SYNE1: variants seen among roughly 807,000 people sequenced by gnomAD.
The protein encoded by SYNE1 is spectrin repeat containing nuclear envelope protein 1.
In SYNE1, 616 loss-of-function variants were observed where a neutral mutation model predicts 1,111.0. That is an observed-to-expected ratio of 0.55 (90% confidence interval 0.52 to 0.59). SYNE1 has a LOEUF of 0.59. SYNE1 is among the 20% of genes least tolerant of loss of function. The pLI is 0.00. For missense variants in SYNE1, 10,006 were observed against 10,417.0 expected (o/e 0.96, Z 1.72); for synonymous variants, 3,855 against 3,825.8 (o/e 1.01, Z -0.28).
Position 152,353,616 on chromosome 6 carries a change from T to C in SYNE1, c.11055A>G (p.Arg3685=). 6.2e-7 allele frequency: 1 copy of C among 1,614,222 alleles called. No individual in the cohort carries two copies. The highest frequency in any genetic ancestry group is 8.5e-7 in the Non-Finnish European group (1 of 1,180,046). The change falls in exon 68 of 146, where the codon AGA becomes AGG. Residue 3685 remains arginine (R), a synonymous_variant. Transcript: ENST00000367255. The stretch of plus-strand genomic sequence containing the variant: ...GCACTTGGAGAAGCAGGGCCTGGTA[T>C]CTGGAAGTCAGCTGGGTGGCCTGGC... ...MGCQATQLTS[R]YQALLLQVLE...
intron 42 of SYNE1, among the ~76,000 whole-genome samples, chr6:152,411,012 G>C (rs2098025949): frequency 1.3e-5 from 2 of 152,260 alleles, no homozygotes; most frequent in African/African-American, 4.8e-5. Context: ...TGCACAACAT[G>C]ATTCAATTTA....
At chr6:152,127,868 C>T (rs1312156704) in intron 145 of SYNE1, 2 of 152,204 alleles carry the variant, frequency 1.3e-5, no homozygotes, top group Non-Finnish European at 2.9e-5. Context: ...ATCTGATTAA[C>T]TTGAATACAT....
chr6:152,362,525 A>G (rs2096951243), intron 63 of SYNE1, among the ~76,000 whole-genome samples: 1 of 152,134 alleles, frequency 6.6e-6, no homozygotes, highest in South Asian at 2.1e-4. Context: ...AGGAACATTT[A>G]AACCCAGGCC....
intron 34 of SYNE1, 73 bp from the exon 35 acceptor site, chr6:152,430,782 G>A: frequency 7.5e-7 from 1 of 1,339,906 alleles, no homozygotes; most frequent in Non-Finnish European, 1.1e-6. Context: ...ACAATTATCT[G>A]CAAAGAGGGA....
intron 47 of SYNE1, among the ~76,000 whole-genome samples, 153 bp downstream of exon 47, chr6:152,400,985 G>T (rs559933237): frequency 6.6e-6 from 1 of 152,284 alleles, no homozygotes; most frequent in East Asian, 1.9e-4. Context: ...TTCACGTGTT[G>T]CTTACTTTGC....
chr6:152,537,528 CTCT>C (rs1238369065), intron 4 of SYNE1, among the ~76,000 whole-genome samples: 5 of 152,106 alleles, frequency 3.3e-5, no homozygotes. Flanking sequence ...TGCATACTAT[CTCT>C]TCTTATTGCT....
In SYNE1 at chr6:152,404,225, C is replaced by G. The variant is rs138911730; in HGVS notation, c.6813G>C (p.Pro2271=). 3 of 1,612,132 alleles carry G rather than the reference C, an allele frequency of 1.9e-6. No homozygotes were observed. In the Admixed American group the frequency reaches 5.0e-5, roughly 27 times the overall value. The stretch of plus-strand genomic sequence containing the variant: ...ACAAAATGCTTACCTGAAGGTCTGG[C>G]GGTGTTTCTAGATTTTTAGTTAATT... ...LKELTKNLET[P]PDLQFIEADL... Residue 2271 remains proline (P), a synonymous_variant, in exon 46 of 146, where the codon CCG becomes CCC. Coordinates refer to ENST00000367255, the MANE Select transcript of SYNE1 (RefSeq NM_182961.4).
At chr6:152,362,963 C>T (rs1238027530) in intron 63 of SYNE1, among the ~76,000 whole-genome samples, 2 of 151,474 alleles carry the variant, frequency 1.3e-5, no homozygotes, top group Non-Finnish European at 2.9e-5. Flanking sequence ...TCACTGCAAG[C>T]TCTGCCTCCC....
intron 11 of SYNE1, among the ~76,000 whole-genome samples, chr6:152,489,930 A>T (rs2098961438): frequency 6.6e-6 from 1 of 152,198 alleles, no homozygotes; most frequent in Non-Finnish European, 1.5e-5. Context: ...GGTGAATCTG[A>T]TGCTGCTGGT....
chr6:152,520,797 T>C (rs943437389), intron 5 of SYNE1, among the ~76,000 whole-genome samples: 2 of 152,226 alleles, frequency 1.3e-5, no homozygotes, highest in African/African-American at 4.8e-5. Flanking sequence ...GTCTTCTGTA[T>C]GTCTAAGAGC....
chr6:152,163,499 AG>A (rs1421888883), intron 131 of SYNE1, among the ~76,000 whole-genome samples: 2 of 93,584 alleles, frequency 2.1e-5, no homozygotes, highest in Admixed American at 9.2e-5. Context: ...ACTCTGTCTC[AG>A]GAAAAAAAAA....
intron 3 of SYNE1, among the ~76,000 whole-genome samples, chr6:152,580,557 G>A (rs575762892): frequency 4.6e-5 from 7 of 152,214 alleles, no homozygotes; most frequent in South Asian, 2.1e-4. Flanking sequence ...TTGCAATTGC[G>A]TTTGGAGTCT....
intron 13 of SYNE1, among the ~76,000 whole-genome samples, chr6:152,484,038 C>CAAAAAAAAAA (rs773019397): frequency 0.087 from 4,619 of 53,356 alleles, 402 homozygotes; most frequent in Non-Finnish European, 0.13. Context: ...CTCATCTCTA[C>CAAAAAAAAAA]AAAAAAAAAA....
chr6:152,419,537 C>T (rs766810050), intron 40 of SYNE1, 32 bp downstream of exon 40: 4 of 1,541,826 alleles, frequency 2.6e-6, no homozygotes, highest in Non-Finnish European at 3.5e-6. Flanking sequence ...AGAAATTCTT[C>T]TTCAATCTTA....
At chr6:152,581,420 A>ATAT (rs2099518964) in intron 3 of SYNE1, among the ~76,000 whole-genome samples, 1 of 152,206 alleles carries the variant, frequency 6.6e-6, no homozygotes, top group Non-Finnish European at 1.5e-5. Context: ...GAATAATGTC[A>ATAT]TTCCAGAAAT....
chr6:152,411,142 A>G (rs2154172763), intron 42 of SYNE1, among the ~76,000 whole-genome samples: 1 of 152,288 alleles, frequency 6.6e-6, no homozygotes, highest in East Asian at 1.9e-4. Flanking sequence ...TGAATGTCCA[A>G]TTGTTCTAGT....
chr6:152,412,924 T>C (rs1367474832), intron 42 of SYNE1, among the ~76,000 whole-genome samples: 1 of 147,592 alleles, frequency 6.8e-6, no homozygotes, highest in Non-Finnish European at 1.5e-5. Context: ...CAATCTTGGC[T>C]CACTGCAACC....
At chr6:152,496,402 C>T (rs535730109) in intron 11 of SYNE1, among the ~76,000 whole-genome samples, 2 of 152,278 alleles carry the variant, frequency 1.3e-5, no homozygotes, top group Non-Finnish European at 1.5e-5. Context: ...CCGCCTTGGG[C>T]ACTCTCTAAC....
intron 9 of SYNE1, 138 bp from the exon 10 acceptor site, chr6:152,502,880 G>A (rs1261953335): frequency 7.3e-6 from 5 of 682,642 alleles, no homozygotes; most frequent in South Asian, 1.8e-5. Context: ...AATTTTGGAC[G>A]GGGAGGAGGG....
Sources: gnomAD v4.1 joint callset for allele counts (sites outside exome capture counted in the v4.1 genomes callset) on GRCh38, gnomAD v4.1.1 for gene constraint, MANE v1.5 for transcripts, NCBI Gene and HGNC (gene_info 2026-07-23, HGNC 2026-07-21) for gene names.